RAP1A: variants seen among roughly 807,000 people sequenced by gnomAD.
RAP1A encodes the protein RAP1A, member of RAS oncogene family.
RAP1A carries 6 observed loss-of-function variants against 26.4 expected under a neutral mutation model. The ratio of observed to expected loss-of-function variants is 0.23; its 90% CI spans 0.12 to 0.45. The LOEUF (loss-of-function observed/expected upper bound fraction) is 0.45. RAP1A is among the 20% of genes least tolerant of loss of function. RAP1A has a pLI of 0.99. For synonymous variants in RAP1A, 73 were observed against 79.4 expected (o/e 0.92, Z 0.43); for missense variants, 121 against 217.2 (o/e 0.56, Z 2.78).
Position 111,651,823 on chromosome 1 carries a change from A to G in RAP1A, c.-28+31889A>G, listed in dbSNP as rs182441855. Among the ~76,000 whole-genome samples, 46 of 152,212 alleles carry G rather than the reference A, an allele frequency of 3.0e-4. No homozygotes were observed. In the East Asian group the frequency reaches 7.9e-3, roughly 26 times the overall value. On this transcript the variant is annotated intron_variant, in intron 1 of 7. Coordinates refer to ENST00000369709, the MANE Select transcript of RAP1A (RefSeq NM_002884.4). Reference sequence around the variant, plus strand: ...GAGACAGCGTTTCACCATGTTGGCCAGGATGGTCTCGATCTCTTGACCTCA... The same window carrying G: ...GAGACAGCGTTTCACCATGTTGGCCGGGATGGTCTCGATCTCTTGACCTCA...
At chr1:111,688,818 T>G (rs865821786) in intron 1 of RAP1A, among the ~76,000 whole-genome samples, 20 of 73,488 alleles carry the variant, frequency 2.7e-4, no homozygotes, top group African/African-American at 9.4e-4. Context: ...GTTTTTTTTT[T>G]TTTGTTTTTT....
chr1:111,594,675 T>G (rs1171232636), intron 1 of RAP1A, among the ~76,000 whole-genome samples: 1 of 152,186 alleles, frequency 6.6e-6, no homozygotes, highest in Non-Finnish European at 1.5e-5. Flanking sequence ...GTGAACTTTC[T>G]GAACCCATAA....
At chr1:111,708,596 T>G (rs2101308017) in intron 6 of RAP1A, among the ~76,000 whole-genome samples, 1 of 152,366 alleles carries the variant, frequency 6.6e-6, no homozygotes, top group South Asian at 2.1e-4. Context: ...TTGACAAAAT[T>G]GGAATTTGCT....
At chr1:111,645,704 C>T (rs889698539) in intron 1 of RAP1A, among the ~76,000 whole-genome samples, 1 of 152,196 alleles carries the variant, frequency 6.6e-6, no homozygotes, top group African/African-American at 2.4e-5. Flanking sequence ...GCGAGCCAGG[C>T]ACTGTTATCC....
At chr1:111,684,930 C>T (rs941914542) in intron 1 of RAP1A, among the ~76,000 whole-genome samples, 2 of 152,130 alleles carry the variant, frequency 1.3e-5, no homozygotes, top group African/African-American at 2.4e-5. Context: ...GGTACCAAAA[C>T]AGATACATAG....
chr1:111,649,271 G>T, intron 1 of RAP1A: 1 of 470,252 alleles, frequency 2.1e-6, no homozygotes, highest in South Asian at 1.7e-5. Context: ...TCCGGTTCTC[G>T]GTTTCCAGGC....
At position 111,611,955 on chromosome 1, in the gene RAP1A, T is replaced by G. The variant is rs757581614; in HGVS notation, c.-28+69446T>G. On this transcript the variant is annotated intron_variant, in intron 1 of 7. Transcript: ENST00000356415. ...ACCCTAACCACACTATTCTGCCTTC[T>G]GTAAATTCAGATATCCATATATTTG... is the stretch of plus-strand genomic sequence containing the variant. Among the ~76,000 whole-genome samples the G allele has an allele frequency of 2.6e-5, 4 of 152,294 alleles. No individual in the cohort carries two copies. The East Asian group carries it at 7.7e-4, about 29-fold the overall frequency.
At chr1:111,588,340 A>G (rs765838600) in intron 1 of RAP1A, among the ~76,000 whole-genome samples, 2 of 152,140 alleles carry the variant, frequency 1.3e-5, no homozygotes, top group Admixed American at 1.3e-4. Flanking sequence ...TTTCTTCTCT[A>G]ATCTATCTGC....
chr1:111,588,749 A>G (rs1156305842), intron 1 of RAP1A, among the ~76,000 whole-genome samples: 1 of 152,224 alleles, frequency 6.6e-6, no homozygotes, highest in Non-Finnish European at 1.5e-5. Context: ...CTAGAAGAGC[A>G]ACTGGTGCAT....
At chr1:111,611,940 C>T (rs557008279) in intron 1 of RAP1A, among the ~76,000 whole-genome samples, 1 of 151,980 alleles carries the variant, frequency 6.6e-6, no homozygotes, top group African/African-American at 2.4e-5. Flanking sequence ...ACCCTAACCA[C>T]ACTATTCTGC....
intron 1 of RAP1A, among the ~76,000 whole-genome samples, chr1:111,595,872 G>A (rs1309577938): frequency 6.6e-6 from 1 of 152,104 alleles, no homozygotes; most frequent in Non-Finnish European, 1.5e-5. Flanking sequence ...AGGAGCATGT[G>A]CTCCATACTA....
intron 1 of RAP1A, among the ~76,000 whole-genome samples, chr1:111,630,341 A>T (rs904674411): frequency 6.6e-6 from 1 of 152,162 alleles, no homozygotes; most frequent in Non-Finnish European, 1.5e-5. Flanking sequence ...ATCATTCCCT[A>T]CAGTAATAAT....
At chr1:111,688,295 G>GTA (rs1389584498) in intron 1 of RAP1A, among the ~76,000 whole-genome samples, 1,156 of 92,788 alleles carry the variant, frequency 0.012, 8 homozygotes, top group African/African-American at 0.021. Context: ...GTGTGTGTGT[G>GTA]TGTGTATATA....
chr1:111,696,133 G>T (rs572705300), intron 3 of RAP1A, among the ~76,000 whole-genome samples: 1 of 152,080 alleles, frequency 6.6e-6, no homozygotes, highest in Non-Finnish European at 1.5e-5. Flanking sequence ...ACTTGGTCTT[G>T]ACAAAAAATA....
intron 1 of RAP1A, among the ~76,000 whole-genome samples, chr1:111,591,018 A>G (rs926427409): frequency 2.6e-5 from 4 of 152,124 alleles, no homozygotes; most frequent in Non-Finnish European, 5.9e-5. Flanking sequence ...TAGCCCTGGT[A>G]TGTTTTGTTT....
At chr1:111,643,748 G>A (rs1571521724) in intron 1 of RAP1A, among the ~76,000 whole-genome samples, 3 of 151,368 alleles carry the variant, frequency 2.0e-5, no homozygotes, top group Admixed American at 2.0e-4. Context: ...TGTGTAGTAG[G>A]TCTTCTCTCA....
In RAP1A at chr1:111,619,878, A is replaced by AGGAGGAGGAGGAGGT. The variant is rs1659125270; in HGVS notation, c.-75_-61dup. On this transcript the variant is annotated 5_prime_UTR_variant, in exon 1 of 8. Coordinates refer to ENST00000369709, the MANE Select transcript of RAP1A (RefSeq NM_002884.4). ...GGAGCCACGGCCGAGAGGAGGGAGG[A>AGGAGGAGGAGGAGGT]GGAGGAGGAGGAGGTGGAGGAGGTG... 2 of 261,948 alleles carry AGGAGGAGGAGGAGGT rather than the reference A, an allele frequency of 7.6e-6. No homozygotes were observed. The highest frequency in any genetic ancestry group is 4.8e-5 in the African/African-American group (2 of 41,722). 16.2% of individuals were successfully genotyped at this position (261,948 alleles called of 1,614,324 possible).
chr1:111,616,721 A>G (rs1251299388), upstream of RAP1A, among the ~76,000 whole-genome samples: 1 of 152,072 alleles, frequency 6.6e-6, no homozygotes, highest in African/African-American at 2.4e-5. Context: ...GTCAAATACA[A>G]TTCTCCTCCA....
chr1:111,648,864 G>T, intron 1 of RAP1A: 1 of 770,492 alleles, frequency 1.3e-6, no homozygotes, highest in Non-Finnish European at 2.3e-6. Flanking sequence ...AGATTTGGGG[G>T]CATCTGCCTC....
Sources: allele counts gnomAD v4.1 joint callset (sites outside exome capture counted in the v4.1 genomes callset), GRCh38; gene constraint gnomAD v4.1.1; transcripts MANE v1.5; gene names NCBI Gene and HGNC (gene_info 2026-07-23, HGNC 2026-07-21).